The following GPC5 variants were observed in gnomAD, a reference collection of about 807,000 sequenced individuals.
GPC5 encodes glypican 5, also known as glypican-5.
A neutral mutation model predicts 53.9 loss-of-function variants in GPC5; 47 were observed. That is an observed-to-expected ratio of 0.87 (90% confidence interval 0.69 to 1.11). The LOEUF is 1.11. Ranked by LOEUF, GPC5 falls within the 50% of genes most tolerant of loss-of-function variation. The pLI, the probability that GPC5 is intolerant of heterozygous loss-of-function variation, is 0.00. For missense variants in GPC5, 748 were observed against 713.1 expected, an observed-to-expected ratio of 1.05 and a Z score of -0.56; for synonymous variants, 286 against 263.3, an observed-to-expected ratio of 1.09 and a Z score of -0.84.
chr13:91,800,431 A>G (rs1472818938), intron 5 of GPC5, among the ~76,000 whole-genome samples: 1 of 151,130 alleles, frequency 6.6e-6, no homozygotes, highest in Non-Finnish European at 1.5e-5. Flanking sequence ...AATAGTAAAC[A>G]TATGTCACTC....
chr13:91,555,343 C>A (rs1381509747), intron 2 of GPC5, among the ~76,000 whole-genome samples: 1 of 152,006 alleles, frequency 6.6e-6, no homozygotes, highest in East Asian at 1.9e-4. Context: ...GTATAAATTA[C>A]TCCTCAAAAA....
chr13:92,296,806 C>T (rs2043038644), intron 7 of GPC5, among the ~76,000 whole-genome samples: 1 of 152,212 alleles, frequency 6.6e-6, no homozygotes, highest in African/African-American at 2.4e-5. Context: ...ACTTAGCACC[C>T]AGGCCAGTGG....
At chr13:91,629,130 T>C (rs1159622942) in intron 2 of GPC5, among the ~76,000 whole-genome samples, 6 of 152,162 alleles carry the variant, frequency 3.9e-5, no homozygotes, top group Admixed American at 3.9e-4. Flanking sequence ...ATCTATGTGT[T>C]AATAAATTAT....
intron 7 of GPC5, among the ~76,000 whole-genome samples, chr13:92,213,356 G>T (rs538347082): frequency 6.6e-6 from 1 of 151,962 alleles, no homozygotes; most frequent in Non-Finnish European, 1.5e-5. Flanking sequence ...ACAATAACTT[G>T]CAGTGACTAG....
In GPC5 at chr13:92,385,483, T is replaced by C. The variant is rs200180298; in HGVS notation, c.1561+240494T>C. Among the ~76,000 whole-genome samples the C allele has an allele frequency of 5.8e-3, 379 of 65,262 alleles. 4 individuals are homozygous for C. Among genetic ancestry groups the C allele is most frequent in the South Asian group, 0.016 (36 of 2,250 alleles). The allele number at this position is 65,262 out of a possible 152,430, so 42.8% of individuals were successfully genotyped here. On this transcript the variant is annotated intron_variant, in intron 7 of 7. Coordinates refer to ENST00000377067, the MANE Select transcript of GPC5 (RefSeq NM_004466.6). ...ATACACATATATACATATATACATA[T>C]ATACACATATATACATACATATACA...
intron 6 of GPC5, among the ~76,000 whole-genome samples, chr13:92,046,965 T>A (rs1232985231): frequency 6.6e-6 from 1 of 152,194 alleles, no homozygotes; most frequent in Non-Finnish European, 1.5e-5. Flanking sequence ...CAAAAGCACT[T>A]TTGGGGTCTA....
At chr13:92,417,967 T>C (rs1404424083) in intron 7 of GPC5, among the ~76,000 whole-genome samples, 1 of 152,184 alleles carries the variant, frequency 6.6e-6, no homozygotes, top group Non-Finnish European at 1.5e-5. Context: ...CAATAGAATC[T>C]TATTCTACTA....
intron 7 of GPC5, among the ~76,000 whole-genome samples, chr13:92,330,154 G>A (rs374370642): frequency 2.0e-5 from 3 of 152,132 alleles, no homozygotes; most frequent in Admixed American, 1.3e-4. Flanking sequence ...TGTGTTTAGC[G>A]ATAGGTTGGT....
At chr13:92,075,268 G>T (rs2041243714) in intron 6 of GPC5, among the ~76,000 whole-genome samples, 1 of 152,126 alleles carries the variant, frequency 6.6e-6, no homozygotes, top group African/African-American at 2.4e-5. Context: ...ATTTATACTG[G>T]AGACACTGTC....
At position 92,066,008 on chromosome 13, in the gene GPC5, G is replaced by A. The variant is rs75845764; in HGVS notation, c.1402-78822G>A. 6.4e-3 allele frequency among the ~76,000 whole-genome samples: 975 copies of A among 152,202 alleles called. 18 individuals are homozygous for A. The highest frequency in any genetic ancestry group is 0.023 in the African/African-American group (935 of 41,554). ...TATTATTTTAAGTATGAGCTAAGGA[G>A]ATTGTACTTTATGTAACTAGGAGAT... On this transcript the variant is annotated intron_variant, in intron 6 of 7. Transcript: ENST00000377067.
chr13:91,497,897 A>G (rs1450669095), intron 2 of GPC5, among the ~76,000 whole-genome samples: 1 of 152,090 alleles, frequency 6.6e-6, no homozygotes. Context: ...CATATCATGG[A>G]AAGTGGGGTA....
At chr13:91,931,912 C>G (rs2039825109) in intron 6 of GPC5, among the ~76,000 whole-genome samples, 1 of 152,098 alleles carries the variant, frequency 6.6e-6, no homozygotes, top group South Asian at 2.1e-4. Flanking sequence ...TGTTTATAGA[C>G]TCCGTTTTGC....
chr13:92,663,799 CTATA>C (rs1261867959), intron 7 of GPC5, among the ~76,000 whole-genome samples: 6 of 136,544 alleles, frequency 4.4e-5, no homozygotes, highest in South Asian at 2.2e-4. Context: ...TATACACACA[CTATA>C]TATATACACA....
intron 7 of GPC5, among the ~76,000 whole-genome samples, chr13:92,620,813 C>T (rs1326767760): frequency 1.3e-5 from 2 of 152,128 alleles, no homozygotes; most frequent in African/African-American, 2.4e-5. Context: ...GAGGAAATTA[C>T]AAGAAGGCTT....
intron 2 of GPC5, among the ~76,000 whole-genome samples, chr13:91,688,280 A>T (rs1271016137): frequency 6.6e-6 from 1 of 152,120 alleles, no homozygotes; most frequent in Non-Finnish European, 1.5e-5. Context: ...TACACATTAA[A>T]ATTTTATGAA....
intron 6 of GPC5, among the ~76,000 whole-genome samples, chr13:91,965,799 TCA>T (rs1404781085): frequency 1.3e-5 from 2 of 152,206 alleles, no homozygotes; most frequent in Non-Finnish European, 2.9e-5. Flanking sequence ...TGTGGGATTT[TCA>T]CACTTCTTGA....
At chr13:91,702,718 T>C (rs967525121) in intron 3 of GPC5, among the ~76,000 whole-genome samples, 3 of 152,100 alleles carry the variant, frequency 2.0e-5, no homozygotes, top group Non-Finnish European at 2.9e-5. Context: ...AATCTATAGA[T>C]GGCTTTAGGT....
chr13:92,654,633 T>A (rs1886065421), intron 7 of GPC5, among the ~76,000 whole-genome samples: 1 of 152,170 alleles, frequency 6.6e-6, no homozygotes, highest in Admixed American at 6.5e-5. Flanking sequence ...TTGGATTTTG[T>A]CACTTTTTTG....
At chr13:92,583,358 T>G (rs1271761191) in intron 7 of GPC5, among the ~76,000 whole-genome samples, 1 of 152,236 alleles carries the variant, frequency 6.6e-6, no homozygotes, top group African/African-American at 2.4e-5. Flanking sequence ...GAAAATTATC[T>G]TGCTATTTAA....
Sources: gnomAD v4.1 joint callset for allele counts (sites outside exome capture counted in the v4.1 genomes callset) on GRCh38, gnomAD v4.1.1 for gene constraint, MANE v1.5 for transcripts, NCBI Gene and HGNC (gene_info 2026-07-23, HGNC 2026-07-21) for gene names.